GRIK3: variants seen among roughly 807,000 people sequenced by gnomAD.
The protein encoded by GRIK3 is glutamate receptor ionotropic, kainate 3.
In GRIK3, 29 loss-of-function variants were observed where a neutral mutation model predicts 102.5. That is an observed-to-expected ratio of 0.28 (90% CI 0.21 to 0.39). The LOEUF is 0.39. Ranked by LOEUF, GRIK3 falls within the 10% of genes least tolerant of loss-of-function variation. The pLI, the probability that GRIK3 is intolerant of heterozygous loss-of-function variation, is 1.00. For missense variants in GRIK3, 908 were observed against 1,252.4 expected (o/e 0.73, Z 4.15); for synonymous variants, 511 against 504.9 (o/e 1.01, Z -0.16).
At chr1:36,962,640 A>AAGAG (rs5773557) in intron 1 of GRIK3, among the ~76,000 whole-genome samples, 1,723 of 145,022 alleles carry the variant, frequency 0.012, 19 homozygotes, top group Non-Finnish European at 0.015. Context: ...GAGGGAGAGG[A>AAGAG]AGAGAGAGAG....
intron 3 of GRIK3, among the ~76,000 whole-genome samples, chr1:36,877,088 C>T (rs769431189): frequency 1.4e-4 from 21 of 152,254 alleles, no homozygotes; most frequent in South Asian, 4.1e-4. Flanking sequence ...AATGAAGTGA[C>T]GTGTACTTAT....
chr1:36,946,563 G>A (rs995958099), intron 1 of GRIK3, among the ~76,000 whole-genome samples: 3 of 152,214 alleles, frequency 2.0e-5, no homozygotes, highest in East Asian at 1.9e-4. Context: ...GGTGGCTCTC[G>A]CATGGGAAGG....
chr1:37,004,814 T>TG (rs1161629010), intron 1 of GRIK3, among the ~76,000 whole-genome samples: 1 of 152,226 alleles, frequency 6.6e-6, no homozygotes, highest in African/African-American at 2.4e-5. Flanking sequence ...ATGTGTAACT[T>TG]GACTTCCTCA....
At chr1:36,948,073 G>A (rs532032) in intron 1 of GRIK3, among the ~76,000 whole-genome samples, 2,909 of 152,206 alleles carry the variant, frequency 0.019, 92 homozygotes, top group African/African-American at 0.067. Context: ...CTTGGCTGTC[G>A]GTTCTTTAAA....
intron 1 of GRIK3, among the ~76,000 whole-genome samples, chr1:36,908,917 A>G (rs554882685): frequency 6.6e-6 from 1 of 152,278 alleles, no homozygotes; most frequent in African/African-American, 2.4e-5. Flanking sequence ...CAACGGGTAA[A>G]ACAAATAACA....
chr1:36,876,186 G>C (rs1047686580), intron 3 of GRIK3, among the ~76,000 whole-genome samples: 1 of 152,086 alleles, frequency 6.6e-6, no homozygotes, highest in Non-Finnish European at 1.5e-5. Context: ...GCAAGACTCT[G>C]ACTCTATAAA....
At chr1:36,950,296 G>T (rs2124334368) in intron 1 of GRIK3, among the ~76,000 whole-genome samples, 1 of 152,332 alleles carries the variant, frequency 6.6e-6, no homozygotes, top group Admixed American at 6.5e-5. Context: ...CTCACAAAAT[G>T]CATGTCCATT....
chr1:36,966,321 G>A (rs1341651685), intron 1 of GRIK3, among the ~76,000 whole-genome samples: 2 of 152,204 alleles, frequency 1.3e-5, no homozygotes, highest in African/African-American at 4.8e-5. Flanking sequence ...AGACGGAAAG[G>A]TCATGGTTTG....
chr1:36,882,113 A>G (rs529916098), intron 2 of GRIK3, among the ~76,000 whole-genome samples: 1 of 152,252 alleles, frequency 6.6e-6, no homozygotes, highest in East Asian at 1.9e-4. Context: ...TCTTTATTAA[A>G]TGATCACTGG....
At chr1:36,902,424 C>A (rs565083754) in intron 1 of GRIK3, among the ~76,000 whole-genome samples, 1 of 152,172 alleles carries the variant, frequency 6.6e-6, no homozygotes, top group African/African-American at 2.4e-5. Context: ...AGATGCAGAC[C>A]CACATAAATA....
At chr1:36,933,705 A>C (rs1019756563) in intron 1 of GRIK3, among the ~76,000 whole-genome samples, 5 of 152,160 alleles carry the variant, frequency 3.3e-5, no homozygotes, top group Non-Finnish European at 7.3e-5. Flanking sequence ...TTCCAACATT[A>C]CTTCCAAGTT....
chr1:36,905,856 T>C (rs918225692), intron 1 of GRIK3, among the ~76,000 whole-genome samples: 1 of 152,180 alleles, frequency 6.6e-6, no homozygotes, highest in Non-Finnish European at 1.5e-5. Flanking sequence ...GAAAGATACC[T>C]CTACCCATCC....
chr1:37,016,666 C>T (rs1642655319), intron 1 of GRIK3, among the ~76,000 whole-genome samples: 1 of 152,020 alleles, frequency 6.6e-6, no homozygotes, highest in South Asian at 2.1e-4. Flanking sequence ...AGGACAGTGA[C>T]TGGCCCTGGA....
intron 8 of GRIK3, among the ~76,000 whole-genome samples, chr1:36,852,882 T>A (rs78618510): frequency 0.012 from 1,780 of 152,272 alleles, 32 homozygotes; most frequent in African/African-American, 0.041. Flanking sequence ...TGAGGGCTCG[T>A]ATTAAATCTC....
At chr1:36,894,096 A>G (rs1288524050) in intron 1 of GRIK3, among the ~76,000 whole-genome samples, 3 of 152,202 alleles carry the variant, frequency 2.0e-5, no homozygotes, top group Non-Finnish European at 4.4e-5. Flanking sequence ...ACTGAGTTCT[A>G]TGACCATAAG....
intron 1 of GRIK3, among the ~76,000 whole-genome samples, chr1:36,998,917 G>A (rs1642446551): frequency 6.6e-6 from 1 of 152,138 alleles, no homozygotes; most frequent in South Asian, 2.1e-4. Context: ...ATCTAGCAGG[G>A]TTTGCAGCTC....
At chr1:36,996,944 G>C (rs2124020279) in intron 1 of GRIK3, among the ~76,000 whole-genome samples, 1 of 152,312 alleles carries the variant, frequency 6.6e-6, no homozygotes, top group East Asian at 1.9e-4. Context: ...GGTGCTACTG[G>C]CCAGGGATGC....
At chr1:36,986,342 T>TCCAA (rs1642303981) in intron 1 of GRIK3, among the ~76,000 whole-genome samples, 1 of 149,964 alleles carries the variant, frequency 6.7e-6, no homozygotes, top group African/African-American at 2.5e-5. Flanking sequence ...TGTCCGCCCA[T>TCCAA]CCATCCATCC....
intron 1 of GRIK3, among the ~76,000 whole-genome samples, chr1:36,971,027 T>C (rs949122442): frequency 3.3e-5 from 5 of 152,138 alleles, no homozygotes; most frequent in African/African-American, 9.7e-5. Context: ...CAAAGCAAAA[T>C]TGGCCTCTCT....
Sources: gnomAD v4.1 joint callset for allele counts (sites outside exome capture counted in the v4.1 genomes callset) on GRCh38, gnomAD v4.1.1 for gene constraint, MANE v1.5 for transcripts, NCBI Gene and HGNC (gene_info 2026-07-23, HGNC 2026-07-21) for gene names.